The following KANSL1L variants were observed in gnomAD, a reference collection of about 807,000 sequenced individuals.
KANSL1L encodes KAT8 regulatory NSL complex subunit 1-like protein.
KANSL1L carries 25 observed loss-of-function variants against 108.6 expected under a neutral mutation model. That is an observed-to-expected ratio of 0.23 (90% CI 0.17 to 0.32). The LOEUF (loss-of-function observed/expected upper bound fraction) is 0.32, where lower values mean the gene tolerates loss of function less well. Among genes scored for constraint, KANSL1L ranks in the 10% least tolerant of loss-of-function variants. The pLI is 1.00. For synonymous variants in KANSL1L, 405 were observed against 395.1 expected (o/e 1.03, Z -0.30); for missense variants, 1,137 against 1,125.7 (o/e 1.01, Z -0.14).
intron 3 of KANSL1L, among the ~76,000 whole-genome samples, chr2:210,108,019 A>G (rs2094867613): frequency 6.6e-6 from 1 of 152,144 alleles, no homozygotes; most frequent in African/African-American, 2.4e-5. Context: ...TTTTACATTT[A>G]AAATACATTA....
At chr2:210,133,787 T>C (rs946832509) in intron 2 of KANSL1L, among the ~76,000 whole-genome samples, 1 of 152,164 alleles carries the variant, frequency 6.6e-6, no homozygotes. Context: ...TAGTTTCTCT[T>C]GTGACTTCTT....
chr2:210,063,118 C>T (rs2094436010), intron 6 of KANSL1L, among the ~76,000 whole-genome samples: 1 of 152,194 alleles, frequency 6.6e-6, no homozygotes. Context: ...CCAGTCATGG[C>T]TGAAAAGGGT....
At position 210,054,038 on chromosome 2, in the gene KANSL1L, C is replaced by T. The variant is rs1013690184; in HGVS notation, c.1756-9934G>A. Among the ~76,000 whole-genome samples, 9 of 152,030 alleles carry T rather than the reference C, an allele frequency of 5.9e-5. No homozygotes were observed. In the East Asian group the frequency reaches 7.7e-4, roughly 13 times the overall value. ...TAAATGTAAATTGAAACTAGACGGC[C>T]GGGCATGGTGGCTCACACCTGTAAT... On this transcript the variant is annotated intron_variant, in intron 6 of 14. Coordinates refer to ENST00000281772, the MANE Select transcript of KANSL1L (RefSeq NM_152519.4).
At chr2:210,087,114 G>C (rs138043677) in intron 5 of KANSL1L, among the ~76,000 whole-genome samples, 2 of 151,086 alleles carry the variant, frequency 1.3e-5, no homozygotes, top group African/African-American at 4.9e-5. Context: ...CTGCAGCCCT[G>C]ACCTCCTGGG....
At chr2:210,127,984 C>T (rs1414300828) in intron 3 of KANSL1L, among the ~76,000 whole-genome samples, 1 of 151,708 alleles carries the variant, frequency 6.6e-6, no homozygotes, top group Admixed American at 6.6e-5. Flanking sequence ...AGAAGATATC[C>T]AAAAGCCAAG....
At chr2:210,048,551 ATGTG>A (rs541242233) in intron 6 of KANSL1L, among the ~76,000 whole-genome samples, 1 of 152,082 alleles carries the variant, frequency 6.6e-6, no homozygotes, top group African/African-American at 2.4e-5. Flanking sequence ...TTGTAGGAAT[ATGTG>A]TGTGTATATA....
intron 8 of KANSL1L, among the ~76,000 whole-genome samples, chr2:210,034,827 C>T (rs924135995): frequency 6.6e-6 from 1 of 152,152 alleles, no homozygotes; most frequent in Non-Finnish European, 1.5e-5. Context: ...TATTGTTCCT[C>T]CTCTTCCATC....
chr2:210,043,077 G>A (rs1366641625), intron 7 of KANSL1L, among the ~76,000 whole-genome samples: 2 of 152,126 alleles, frequency 1.3e-5, no homozygotes, highest in African/African-American at 2.4e-5. Flanking sequence ...ATAGACAAGA[G>A]TGTAAAGGTT....
chr2:210,068,509 A>G (rs562882156), intron 6 of KANSL1L, among the ~76,000 whole-genome samples: 2 of 152,338 alleles, frequency 1.3e-5, no homozygotes, highest in African/African-American at 4.8e-5. Flanking sequence ...ATCCTGTTTA[A>G]GAAGTCAGCC....
intron 12 of KANSL1L, among the ~76,000 whole-genome samples, chr2:210,025,463 G>A (rs1443724339): frequency 1.3e-5 from 2 of 152,170 alleles, no homozygotes; most frequent in African/African-American, 4.8e-5. Context: ...GGCTGAGGCA[G>A]AGAATTGCTT....
chr2:210,061,040 C>T (rs1393941953), intron 6 of KANSL1L, among the ~76,000 whole-genome samples: 1 of 152,218 alleles, frequency 6.6e-6, no homozygotes, highest in African/African-American at 2.4e-5. Flanking sequence ...TTTTCCCTAC[C>T]TTCAACCAAC....
chr2:210,085,306 G>A (rs1260786027), intron 5 of KANSL1L, among the ~76,000 whole-genome samples: 1 of 152,094 alleles, frequency 6.6e-6, no homozygotes, highest in South Asian at 2.1e-4. Context: ...AGAATATGTG[G>A]GTTCACTTTA....
chr2:210,107,707 A>C (rs2125447894), intron 3 of KANSL1L, among the ~76,000 whole-genome samples: 1 of 151,768 alleles, frequency 6.6e-6, no homozygotes, highest in East Asian at 1.9e-4. Context: ...TTTTTAAAAA[A>C]TATTTTTAGT....
chr2:210,136,531 A>T lies in KANSL1L; in HGVS notation c.1089-7359T>A, dbSNP rs2095175478. On this transcript the variant is annotated intron_variant, in intron 2 of 14. Coordinates refer to ENST00000281772, the MANE Select transcript of KANSL1L (RefSeq NM_152519.4). ...ATTTATTTGCTAAAGAAACAATTTC[A>T]CTGTTCAATAAGCATTGTGTGTATG... 2.6e-5 allele frequency among the ~76,000 whole-genome samples: 4 copies of T among 152,216 alleles called. No homozygotes were observed. The South Asian group carries it at 8.3e-4, about 31-fold the overall frequency.
At chr2:210,129,265 G>A in intron 2 of KANSL1L, 93 bp from the exon 3 acceptor site, 1 of 1,079,484 alleles carries the variant, frequency 9.3e-7, no homozygotes, top group Non-Finnish European at 1.3e-6. Flanking sequence ...CATCATAAAA[G>A]CAAATTTCCT....
At chr2:210,046,449 T>C (rs542441711) in intron 6 of KANSL1L, among the ~76,000 whole-genome samples, 1 of 152,192 alleles carries the variant, frequency 6.6e-6, no homozygotes, top group East Asian at 1.9e-4. Flanking sequence ...AACCAACATA[T>C]TACATGCTTC....
intron 3 of KANSL1L, among the ~76,000 whole-genome samples, chr2:210,128,466 C>G (rs1559582715): frequency 6.6e-6 from 1 of 152,032 alleles, no homozygotes; most frequent in African/African-American, 2.4e-5. Flanking sequence ...ATTTATGAAA[C>G]TTGAGAACAT....
At chr2:210,052,001 C>CTTT (rs546815241) in intron 6 of KANSL1L, among the ~76,000 whole-genome samples, 4 of 134,398 alleles carry the variant, frequency 3.0e-5, no homozygotes, top group Non-Finnish European at 6.4e-5. Context: ...TTCTTCTTTC[C>CTTT]TTTTTTTTTT....
intron 12 of KANSL1L, among the ~76,000 whole-genome samples, chr2:210,026,193 G>T (rs2093934597): frequency 2.0e-5 from 3 of 152,146 alleles, no homozygotes; most frequent in Admixed American, 6.5e-5. Context: ...GCATTAGAAG[G>T]TAAATTTTAG....
Sources: allele counts gnomAD v4.1 joint callset (sites outside exome capture counted in the v4.1 genomes callset), GRCh38; gene constraint gnomAD v4.1.1; transcripts MANE v1.5; gene names NCBI Gene and HGNC (gene_info 2026-07-23, HGNC 2026-07-21).